CDK5RAP2: variants seen among roughly 807,000 people sequenced by gnomAD.
CDK5RAP2 encodes the protein CDK5 regulatory subunit associated protein 2.
In CDK5RAP2, 147 loss-of-function variants were observed where a neutral mutation model predicts 232.9. That is an observed-to-expected ratio of 0.63 (90% CI 0.55 to 0.72). The LOEUF is 0.72. Among genes scored for constraint, CDK5RAP2 ranks in the 30% least tolerant of loss-of-function variants. The pLI, the probability that CDK5RAP2 is intolerant of heterozygous loss-of-function variation, is 0.00. For missense variants in CDK5RAP2, 2,195 were observed against 2,231.5 expected, an observed-to-expected ratio of 0.98 and a Z score of 0.33; for synonymous variants, 833 against 833.7, an observed-to-expected ratio of 1.00 and a Z score of 0.01.
chr9:120,423,926 C>T (rs1360858619), intron 25 of CDK5RAP2, among the ~76,000 whole-genome samples: 1 of 152,210 alleles, frequency 6.6e-6, no homozygotes, highest in Non-Finnish European at 1.5e-5. Context: ...TATCGCCCAC[C>T]AGGCCAGCCA....
intron 7 of CDK5RAP2, among the ~76,000 whole-genome samples, chr9:120,530,851 C>T (rs1312935396): frequency 2.1e-5 from 2 of 94,684 alleles, no homozygotes; most frequent in African/African-American, 9.0e-5. Context: ...ACACCAGGGC[C>T]TGTTGTGGGG....
At chr9:120,579,693 A>G (rs909806864) in intron 1 of CDK5RAP2, among the ~76,000 whole-genome samples, 4 of 152,140 alleles carry the variant, frequency 2.6e-5, no homozygotes, top group Non-Finnish European at 4.4e-5. Context: ...CACGCTCTAC[A>G]AAGTACATGG....
chr9:120,536,283 G>T, intron 7 of CDK5RAP2, 89 bp downstream of exon 7: 1 of 1,408,706 alleles, frequency 7.1e-7, no homozygotes, highest in Non-Finnish European at 1.0e-6. Context: ...GGGGAGAAGG[G>T]AGGGATAAAA....
At position 120,546,470 on chromosome 9, in the gene CDK5RAP2, G is replaced by C. The variant is rs138222682; in HGVS notation, c.307-680C>G. On this transcript the variant is annotated intron_variant, in intron 4 of 37. Coordinates refer to ENST00000349780, the MANE Select transcript of CDK5RAP2 (RefSeq NM_018249.6). ...CCAGGGCAAATGGAATTCAATATGA[G>C]ACAGCTGAACAGTGGCAGACTTCTC... Among the ~76,000 whole-genome samples the C allele has an allele frequency of 7.3e-3, 1,110 of 152,246 alleles. 14 individuals are homozygous for C. The highest frequency in any genetic ancestry group is 0.025 in the African/African-American group (1,030 of 41,544).
intron 12 of CDK5RAP2, among the ~76,000 whole-genome samples, chr9:120,497,164 A>C (rs1283108382): frequency 7.6e-6 from 1 of 131,222 alleles, no homozygotes; most frequent in Non-Finnish European, 1.5e-5. Flanking sequence ...GGTTGAATGG[A>C]TTAAGGGCGG....
chr9:120,491,613 A>C, intron 12 of CDK5RAP2, 136 bp from the exon 13 acceptor site: 1 of 609,050 alleles, frequency 1.6e-6, no homozygotes, highest in Non-Finnish European at 2.8e-6. Flanking sequence ...GTATATTTAA[A>C]TCCTTCTCAC....
chr9:120,550,382 T>C (rs948624813), intron 4 of CDK5RAP2, among the ~76,000 whole-genome samples: 2 of 152,192 alleles, frequency 1.3e-5, no homozygotes, highest in African/African-American at 4.8e-5. Context: ...AATAACCCTA[T>C]GACAAAGGGA....
chr9:120,574,796 G>A (rs917321004), intron 1 of CDK5RAP2, among the ~76,000 whole-genome samples: 2 of 148,768 alleles, frequency 1.3e-5, no homozygotes, highest in Admixed American at 6.8e-5. Context: ...GTCTTTCTGC[G>A]GCTGGTGGTA....
chr9:120,550,811 G>A lies in CDK5RAP2; in HGVS notation c.287C>T (p.Thr96Ile). Reference protein sequence around the residue: ...ERMQQEFHGPTEHIYKTNIEL... With the variant: ...ERMQQEFHGPIEHIYKTNIEL... ...ACTCACAGTTTTGTAGATATGTTCA[G>A]TGGGGCCATGAAATTCCTGTTGCAT... Residue 96 changes from threonine to isoleucine, a missense_variant, in exon 4 of 38, where the codon ACT becomes ATT. Transcript: ENST00000349780. 6.2e-7 allele frequency: 1 copy of A among 1,606,110 alleles called. No homozygotes were observed. The highest frequency in any genetic ancestry group is 8.5e-7 in the Non-Finnish European group (1 of 1,172,724).
At chr9:120,440,169 G>GT in intron 23 of CDK5RAP2, 197 bp from the exon 24 acceptor site, 1 of 610,688 alleles carries the variant, frequency 1.6e-6, no homozygotes, top group South Asian at 1.9e-5. Flanking sequence ...AAAAGCCCTA[G>GT]TCTTTCCCTC....
chr9:120,432,483 G>A (rs1317721827), intron 25 of CDK5RAP2, among the ~76,000 whole-genome samples: 2 of 152,000 alleles, frequency 1.3e-5, no homozygotes, highest in African/African-American at 4.8e-5. Context: ...TGACTGCCTC[G>A]AATATAAAAC....
chr9:120,496,520 G>A (rs1381256264), intron 12 of CDK5RAP2, among the ~76,000 whole-genome samples: 466 of 116,504 alleles, frequency 4.0e-3, no homozygotes, highest in African/African-American at 0.01. Flanking sequence ...TGGGGGGGTC[G>A]GCCCCCCGCC....
chr9:120,392,036 G>C (rs1211576463), intron 36 of CDK5RAP2, among the ~76,000 whole-genome samples: 1 of 152,176 alleles, frequency 6.6e-6, no homozygotes, highest in Non-Finnish European at 1.5e-5. Flanking sequence ...GCTCAGGAGG[G>C]GAAGTGCTAT....
At chr9:120,489,844 G>C (rs973424236) in intron 13 of CDK5RAP2, among the ~76,000 whole-genome samples, 1 of 131,554 alleles carries the variant, frequency 7.6e-6, no homozygotes, top group Non-Finnish European at 1.6e-5. Flanking sequence ...TTTCACTCTT[G>C]TTGCCCAAGC....
intron 29 of CDK5RAP2, among the ~76,000 whole-genome samples, chr9:120,409,972 T>G (rs958287573): frequency 1.1e-4 from 17 of 152,166 alleles, no homozygotes; most frequent in African/African-American, 3.6e-4. Flanking sequence ...TCAGGAGCAC[T>G]CTGGGGGCTG....
At chr9:120,511,515 G>A (rs1369219208) in intron 12 of CDK5RAP2, among the ~76,000 whole-genome samples, 1 of 152,196 alleles carries the variant, frequency 6.6e-6, no homozygotes, top group Non-Finnish European at 1.5e-5. Flanking sequence ...TATTGTTGAA[G>A]ATGCTATAAA....
chr9:120,538,387 C>T (rs549627936), intron 6 of CDK5RAP2, among the ~76,000 whole-genome samples: 27 of 152,252 alleles, frequency 1.8e-4, no homozygotes, highest in African/African-American at 6.5e-4. Context: ...TTAATACTAG[C>T]TTAAAATAGA....
intron 13 of CDK5RAP2, 65 bp from the exon 14 acceptor site, chr9:120,487,502 C>A: frequency 8.0e-7 from 1 of 1,253,016 alleles, no homozygotes; most frequent in Non-Finnish European, 1.1e-6. Flanking sequence ...GAAACTGTCC[C>A]AAACTCCTTA....
chr9:120,554,334 A>C (rs1355991640), intron 3 of CDK5RAP2, among the ~76,000 whole-genome samples: 1 of 152,224 alleles, frequency 6.6e-6, no homozygotes, highest in African/African-American at 2.4e-5. Context: ...AGTGCTGATG[A>C]TATTTACTAA....
Sources: allele counts gnomAD v4.1 joint callset (sites outside exome capture counted in the v4.1 genomes callset), GRCh38; gene constraint gnomAD v4.1.1; transcripts MANE v1.5; gene names NCBI Gene and HGNC (gene_info 2026-07-23, HGNC 2026-07-21).